NCOA6: variants seen among roughly 807,000 people sequenced by gnomAD.
NCOA6 encodes nuclear receptor coactivator 6.
In NCOA6, 49 loss-of-function variants were observed where a neutral mutation model predicts 171.4. That is an observed-to-expected ratio of 0.29 (90% CI 0.23 to 0.36). The LOEUF (loss-of-function observed/expected upper bound fraction) is 0.36, where lower values mean the gene tolerates loss of function less well. Ranked by LOEUF, NCOA6 falls within the 10% of genes least tolerant of loss-of-function variation. The pLI, the probability that NCOA6 is intolerant of heterozygous loss-of-function variation, is 1.00. For synonymous variants in NCOA6, 910 were observed against 927.5 expected (o/e 0.98, Z 0.34); for missense variants, 2,248 against 2,554.5 (o/e 0.88, Z 2.59).
rs1453912037 is a variant in NCOA6, at chr20:34,755,453, G to A, written c.1529-585C>T. ...TTCATGGGAGCTTCAAAGTGATGCT[G>A]TATTAAATCATTATGCTTTCCCCTC... On this transcript the variant is annotated intron_variant, in intron 7 of 14. Transcript: ENST00000359003. Among the ~76,000 whole-genome samples, 5 of 152,318 alleles carry A rather than the reference G, an allele frequency of 3.3e-5. No individual in the cohort carries two copies. The East Asian group carries it at 9.6e-4, about 29-fold the overall frequency.
Position 34,751,376 on chromosome 20 carries a change from C to CAAAAAAAAAAAA in NCOA6, c.1676-869_1676-858dup, listed in dbSNP as rs35848122. On this transcript the variant is annotated intron_variant, in intron 8 of 14. Coordinates refer to ENST00000359003, the MANE Select transcript of NCOA6 (RefSeq NM_014071.5). ...TGGGCGACAGAGCAAGACTCCGTCTCAAAAAAAAAAAAAAAAAAAAGAATG... is the reference window on the plus strand; with the variant it reads ...TGGGCGACAGAGCAAGACTCCGTCTCAAAAAAAAAAAAAAAAAAAAAAAAAAAAAAAAGAATG... Among the ~76,000 whole-genome samples the CAAAAAAAAAAAA allele has an allele frequency of 4.0e-3, 270 of 68,162 alleles. 10 individuals carry two copies. The highest frequency in any genetic ancestry group is 8.2e-3 in the African/African-American group (137 of 16,700). The allele number at this position is 68,162 out of a possible 152,430, so 44.7% of individuals were successfully genotyped here. A position where few individuals can be genotyped will look rare whatever the true frequency, so the allele number is the denominator to read the frequency against.
intron 11 of NCOA6, among the ~76,000 whole-genome samples, chr20:34,740,147 G>C (rs1271769264): frequency 1.3e-5 from 2 of 152,192 alleles, no homozygotes; most frequent in Non-Finnish European, 2.9e-5. Context: ...ACAGGCGTGA[G>C]CCACCGCACC....
chr20:34,727,984 C>T (rs1990172904), intron 13 of NCOA6, among the ~76,000 whole-genome samples: 1 of 152,094 alleles, frequency 6.6e-6, no homozygotes, highest in Admixed American at 6.5e-5. Flanking sequence ...CTCGGCCTCC[C>T]AAAGTGCTGG....
At chr20:34,800,496 C>T (rs1334588666) in intron 1 of NCOA6, among the ~76,000 whole-genome samples, 2 of 152,080 alleles carry the variant, frequency 1.3e-5, no homozygotes, top group Non-Finnish European at 2.9e-5. Context: ...AAACACACTT[C>T]ACCTACAAAG....
chr20:34,760,892 T>C (rs2076796183), intron 5 of NCOA6, among the ~76,000 whole-genome samples: 1 of 152,200 alleles, frequency 6.6e-6, no homozygotes, highest in Admixed American at 6.5e-5. Flanking sequence ...TTGGTGGTCT[T>C]AGCACATTCA....
At chr20:34,763,882 T>C (rs1354870822) in intron 5 of NCOA6, among the ~76,000 whole-genome samples, 2 of 152,188 alleles carry the variant, frequency 1.3e-5, no homozygotes, top group African/African-American at 4.8e-5. Context: ...GAATTCTGAA[T>C]TCTAACTTGC....
Position 34,758,927 on chromosome 20 carries a change from A to G in NCOA6, c.521T>C (p.Ile174Thr). 1 of 1,613,608 alleles carries G rather than the reference A, an allele frequency of 6.2e-7. No homozygotes were observed. The highest frequency in any genetic ancestry group is 8.5e-7 in the Non-Finnish European group (1 of 1,179,844). ...AACAGTGGCAGGGTTGTTCATCCTT[A>G]TTATTCCTAGAAAAAAGATCCCTAA... ...GFPMASGPGI[I>T]RMNNPATVMI... The change falls in exon 6 of 15, where the codon ATA becomes ACA. Residue 174 changes from isoleucine (I) to threonine (T), a missense_variant. Physicochemically the swap from Ile to Thr is moderately conservative, Grantham distance 89. Transcript: ENST00000359003.
chr20:34,719,385 C>T (rs1989015714), intron 14 of NCOA6, among the ~76,000 whole-genome samples: 1 of 152,040 alleles, frequency 6.6e-6, no homozygotes, highest in Non-Finnish European at 1.5e-5. Context: ...AATCCCAGAA[C>T]TTTGATTAGC....
chr20:34,796,593 G>A (rs2078084014), intron 1 of NCOA6, among the ~76,000 whole-genome samples: 1 of 152,080 alleles, frequency 6.6e-6, no homozygotes, highest in South Asian at 2.1e-4. Context: ...CTGAGCTCCA[G>A]CCTGAGCCTA....
At position 34,758,015 on chromosome 20, in the gene NCOA6, G is replaced by C; in HGVS notation, c.733C>G (p.Pro245Ala). 1 of 1,614,124 alleles carries C rather than the reference G, an allele frequency of 6.2e-7. No individual in the cohort carries two copies. The highest frequency in any genetic ancestry group is 8.5e-7 in the Non-Finnish European group (1 of 1,180,020). ...TTCATTTGTCTGTTCACAGAGACAG[G>C]CTGCATTGGGTGATGTGGGGGAGCT... ...SLAPPHHPMQ[P>A]VSVNRQMNPA... Residue 245 changes from proline to alanine, a missense_variant, in exon 7 of 15, where the codon CCT (proline) becomes GCT (alanine). Around this residue, in one of 7 missense-constraint regions of NCOA6, gnomAD observed 987 missense variants for 1,104.7 expected, o/e 0.89. Coordinates refer to ENST00000359003, the MANE Select transcript of NCOA6 (RefSeq NM_014071.5).
rs953442210 is a variant in NCOA6 at position 34,715,294 on chromosome 20, C to T, written c.*28G>A. 1.9e-6 allele frequency: 3 copies of T among 1,613,652 alleles called. No homozygotes were observed. The highest frequency in any genetic ancestry group is 2.5e-6 in the Non-Finnish European group (3 of 1,179,726). ...CTCTTTGTAAAAGTCACACACATTT[C>T]CAAGTATCAAGTCGCAGTCCTGCTT... On this transcript the variant is annotated 3_prime_UTR_variant, in exon 15 of 15. Coordinates refer to ENST00000359003, the MANE Select transcript of NCOA6 (RefSeq NM_014071.5).
At chr20:34,773,464 GTTGTT>G (rs2077213843) in intron 4 of NCOA6, among the ~76,000 whole-genome samples, 1 of 152,150 alleles carries the variant, frequency 6.6e-6, no homozygotes, top group African/African-American at 2.4e-5. Context: ...TTTTGTTGTT[GTTGTT>G]TTGAGACAAA....
At position 34,757,701 on chromosome 20, in the gene NCOA6, C is replaced by A; in HGVS notation, c.1047G>T (p.Leu349Phe). The A allele has an allele frequency of 3.7e-6, 6 of 1,614,080 alleles. No individual in the cohort carries two copies. The highest frequency in any genetic ancestry group is 4.2e-6 in the Non-Finnish European group (5 of 1,180,008). ...TANQGWKKAP[L>F]PGPMQQQLQA... Reference sequence around the variant, plus strand: ...GGAGTTGCTGTTGCATTGGGCCGGGCAAGGGAGCCTTCTTCCACCCTTGGT... The same window carrying A: ...GGAGTTGCTGTTGCATTGGGCCGGGAAAGGGAGCCTTCTTCCACCCTTGGT... Residue 349 changes from leucine (L) to phenylalanine (F), a missense_variant, in exon 7 of 15, where the codon TTG becomes TTT. Coordinates refer to ENST00000359003, the MANE Select transcript of NCOA6 (RefSeq NM_014071.5).
intron 1 of NCOA6, among the ~76,000 whole-genome samples, chr20:34,823,454 C>T (rs903002173): frequency 1.3e-5 from 2 of 152,136 alleles, no homozygotes; most frequent in Non-Finnish European, 2.9e-5. Context: ...TTTATATATG[C>T]CCGCATAATA....
At position 34,757,713 on chromosome 20, in the gene NCOA6, C is replaced by A; in HGVS notation, c.1035G>T (p.Lys345Asn). The A allele has an allele frequency of 6.2e-7, 1 of 1,614,182 alleles. No homozygotes were observed. The highest frequency in any genetic ancestry group is 8.5e-7 in the Non-Finnish European group (1 of 1,180,038). The change falls in exon 7 of 15, where the codon AAG becomes AAT. Residue 345 changes from lysine to asparagine, a missense_variant. Lys to Asn is a moderately conservative substitution (Grantham distance 94, BLOSUM62 0). Around this residue, in one of 7 missense-constraint regions of NCOA6, gnomAD observed 987 missense variants for 1,104.7 expected, o/e 0.89. Coordinates refer to ENST00000359003, the MANE Select transcript of NCOA6 (RefSeq NM_014071.5). ...LGTMTANQGW[K>N]KAPLPGPMQQ... Reference sequence around the variant, plus strand: ...GCATTGGGCCGGGCAAGGGAGCCTTCTTCCACCCTTGGTTTGCAGTCATTG... The same window carrying A: ...GCATTGGGCCGGGCAAGGGAGCCTTATTCCACCCTTGGTTTGCAGTCATTG...
intron 14 of NCOA6, among the ~76,000 whole-genome samples, chr20:34,721,218 C>T (rs1989273162): frequency 1.4e-5 from 2 of 140,820 alleles, no homozygotes; most frequent in Non-Finnish European, 3.0e-5. Flanking sequence ...CCTATCTCCC[C>T]TTCCCCTTCT....
At position 34,715,206 on chromosome 20, in the gene NCOA6, G is replaced by A. The variant is rs1321198448; in HGVS notation, c.*116C>T. On this transcript the variant is annotated 3_prime_UTR_variant, in exon 15 of 15. Coordinates refer to ENST00000359003, the MANE Select transcript of NCOA6 (RefSeq NM_014071.5). ...ACAGGTTGCAGGGACTAGGAAAAGG[G>A]CCACATTATTAAAATTACTAACTGT... The A allele has an allele frequency of 7.3e-7, 1 of 1,365,426 alleles. No individual in the cohort carries two copies. Among genetic ancestry groups the A allele is most frequent in the Admixed American group, 1.8e-5 (1 of 56,546 alleles). The allele number at this position is 1,365,426 out of a possible 1,614,324, so 84.6% of individuals were successfully genotyped here.
intron 13 of NCOA6, among the ~76,000 whole-genome samples, chr20:34,727,882 C>A (rs961159104): frequency 3.9e-5 from 6 of 151,966 alleles, no homozygotes; most frequent in African/African-American, 1.4e-4. Flanking sequence ...TGACACCACG[C>A]CCTGCTAATT....
Position 34,770,090 on chromosome 20 carries a change from A to G in NCOA6, c.392-1504T>C, listed in dbSNP as rs186955186. Among the ~76,000 whole-genome samples, 879 of 151,930 alleles carry G rather than the reference A, an allele frequency of 5.8e-3. 10 individuals are homozygous for G. The highest frequency in any genetic ancestry group is 0.021 in the African/African-American group (854 of 41,404). On this transcript the variant is annotated intron_variant, in intron 4 of 14. Transcript: ENST00000359003. ...GAGTCTCGCTCTGTCGCCAGGCTGA[A>G]GCGCAGTGGTGCAATCTCGGCTCAC...
Sources: gnomAD v4.1 joint callset for allele counts (sites outside exome capture counted in the v4.1 genomes callset) on GRCh38, gnomAD v4.1.1 for gene constraint, gnomAD v4.1.1 regional missense constraint, MANE v1.5 for transcripts, NCBI Gene and HGNC (gene_info 2026-07-23, HGNC 2026-07-21) for gene names.